PDE1A: variants seen among roughly 807,000 people sequenced by gnomAD.
PDE1A encodes the protein dual specificity calcium/calmodulin-dependent 3',5'-cyclic nucleotide phosphodiesterase 1A.
In PDE1A, 35 loss-of-function variants were observed where a neutral mutation model predicts 61.7. The ratio of observed to expected loss-of-function variants is 0.57; its 90% CI spans 0.43 to 0.75. The LOEUF is 0.75. Among genes scored for constraint, PDE1A ranks in the 30% least tolerant of loss-of-function variants. The pLI, the probability that PDE1A is intolerant of heterozygous loss-of-function variation, is 0.00. For missense variants in PDE1A, 597 were observed against 630.6 expected, an observed-to-expected ratio of 0.95 and a Z score of 0.57; for synonymous variants, 232 against 213.2, an observed-to-expected ratio of 1.09 and a Z score of -0.77.
At chr2:182,242,354 C>T (rs1274699895) in intron 2 of PDE1A, among the ~76,000 whole-genome samples, 2 of 152,078 alleles carry the variant, frequency 1.3e-5, no homozygotes, top group African/African-American at 2.4e-5. Flanking sequence ...GAAGAAAGTG[C>T]ATATAATTTT....
At chr2:182,267,526 G>A (rs1411203865) in intron 1 of PDE1A, among the ~76,000 whole-genome samples, 1 of 151,720 alleles carries the variant, frequency 6.6e-6, no homozygotes, top group Non-Finnish European at 1.5e-5. Context: ...ACTAGGACTC[G>A]TTTTTTCTCC....
chr2:182,468,244 C>T (rs932761199), intron 2 of PDE1A, among the ~76,000 whole-genome samples: 6 of 151,986 alleles, frequency 3.9e-5, no homozygotes, highest in Admixed American at 3.3e-4. Flanking sequence ...GACAGTAGAA[C>T]TTCTTTTGAA....
intron 2 of PDE1A, among the ~76,000 whole-genome samples, chr2:182,252,065 T>C (rs1307618591): frequency 6.6e-6 from 1 of 152,176 alleles, no homozygotes; most frequent in Non-Finnish European, 1.5e-5. Flanking sequence ...GCAAAATAAG[T>C]ATCAGTGTAT....
intron 1 of PDE1A, among the ~76,000 whole-genome samples, chr2:182,407,915 T>C (rs73045418): frequency 0.054 from 8,215 of 152,236 alleles, 711 homozygotes; most frequent in African/African-American, 0.19. Context: ...GTATACTATA[T>C]ATCCATACAT....
intron 1 of PDE1A, among the ~76,000 whole-genome samples, chr2:182,347,301 T>C (rs12996836): frequency 0.54 from 82,184 of 151,916 alleles, 24,415 homozygotes; most frequent in Middle Eastern, 0.76. Flanking sequence ...GAATCTGCTA[T>C]GAAGAAAGCG....
chr2:182,228,030 G>A lies in PDE1A; in HGVS notation c.675+1976C>T, dbSNP rs527616912. The stretch of plus-strand genomic sequence containing the variant: ...GAGCCCTCTAATGCAAATGTTTTCT[G>A]GCCAAGGCCCTTGTATAATTCCATG... On this transcript the variant is annotated intron_variant, in intron 6 of 13. Transcript: ENST00000351439. Among the ~76,000 whole-genome samples, 8 of 152,200 alleles carry A rather than the reference G, an allele frequency of 5.3e-5. No individual in the cohort carries two copies. In the East Asian group the frequency reaches 1.5e-3, roughly 29 times the overall value.
chr2:182,410,426 C>T (rs559632451), intron 1 of PDE1A, among the ~76,000 whole-genome samples: 5 of 152,204 alleles, frequency 3.3e-5, no homozygotes, highest in Admixed American at 2.0e-4. Context: ...TATGAATAAA[C>T]ATTTATCAGA....
chr2:182,628,054 GCACA>G, the PDE1A span, among the ~76,000 whole-genome samples: 163 of 150,764 alleles, frequency 1.1e-3, 1 homozygote, highest in South Asian at 0.015. Flanking sequence ...GTGTATGTGT[GCACA>G]CACACACACA....
At chr2:182,237,887 G>T (rs564481696) in intron 3 of PDE1A, among the ~76,000 whole-genome samples, 11 of 152,306 alleles carry the variant, frequency 7.2e-5, no homozygotes, top group Admixed American at 4.6e-4. Flanking sequence ...AAGGATGAAG[G>T]TTGCAGTAGA....
chr2:182,298,432 G>A (rs757108634), intron 1 of PDE1A, among the ~76,000 whole-genome samples: 1 of 152,118 alleles, frequency 6.6e-6, no homozygotes, highest in Non-Finnish European at 1.5e-5. Context: ...GAACCAGTAA[G>A]TCCTATATGG....
chr2:182,204,631 TGTA>T (rs905492703), intron 8 of PDE1A, among the ~76,000 whole-genome samples: 1 of 152,258 alleles, frequency 6.6e-6, no homozygotes, highest in African/African-American at 2.4e-5. Context: ...GTTACTTTAT[TGTA>T]GTAATATTGT....
At chr2:182,155,261 A>G (rs1321550085) in intron 13 of PDE1A, among the ~76,000 whole-genome samples, 1 of 151,432 alleles carries the variant, frequency 6.6e-6, no homozygotes, top group Non-Finnish European at 1.5e-5. Context: ...GTACTTTTTT[A>G]TATTTTCTGT....
At chr2:182,459,627 G>A (rs1686146568) in intron 2 of PDE1A, among the ~76,000 whole-genome samples, 1 of 152,128 alleles carries the variant, frequency 6.6e-6, no homozygotes, top group African/African-American at 2.4e-5. Flanking sequence ...AAGAGCATCA[G>A]TTGACTAAGC....
chr2:182,395,715 T>C (rs905772051), intron 1 of PDE1A, among the ~76,000 whole-genome samples: 14 of 152,320 alleles, frequency 9.2e-5, no homozygotes, highest in African/African-American at 3.4e-4. Context: ...CCAATGGTGC[T>C]TGAGGTGTCA....
the PDE1A span, among the ~76,000 whole-genome samples, chr2:182,558,931 C>A: frequency 2.0e-5 from 3 of 152,154 alleles, no homozygotes; most frequent in Admixed American, 2.0e-4. Flanking sequence ...TGTTGAGGAA[C>A]GTTTTTTCTC....
the PDE1A span, among the ~76,000 whole-genome samples, chr2:182,589,077 T>C: frequency 3.4e-5 from 5 of 146,626 alleles, no homozygotes; most frequent in Admixed American, 6.8e-5. Context: ...ATAATAATAA[T>C]AATAATAATA....
At chr2:182,390,362 A>G (rs1206400837) in intron 1 of PDE1A, among the ~76,000 whole-genome samples, 1 of 152,218 alleles carries the variant, frequency 6.6e-6, no homozygotes, top group Non-Finnish European at 1.5e-5. Context: ...AGAGAGTTAT[A>G]CAAAATAAAT....
the PDE1A span, among the ~76,000 whole-genome samples, chr2:182,698,377 A>G: frequency 1.3e-5 from 2 of 152,258 alleles, no homozygotes; most frequent in Admixed American, 6.5e-5. Context: ...GGCTGATATT[A>G]TATCAGCAGA....
At chr2:182,420,583 C>A (rs1402645905) in intron 1 of PDE1A, among the ~76,000 whole-genome samples, 1 of 152,118 alleles carries the variant, frequency 6.6e-6, no homozygotes, top group Non-Finnish European at 1.5e-5. Context: ...AGCCTATAAG[C>A]AGCTGGTTAA....
Sources: allele counts gnomAD v4.1 joint callset (sites outside exome capture counted in the v4.1 genomes callset), GRCh38; gene constraint gnomAD v4.1.1; transcripts MANE v1.5; gene names NCBI Gene and HGNC (gene_info 2026-07-23, HGNC 2026-07-21).